The following RAB32 variants were observed in gnomAD, a reference collection of about 807,000 sequenced individuals.
RAB32 encodes RAB32, member RAS oncogene family.
A neutral mutation model predicts 17.5 loss-of-function variants in RAB32; 17 were observed. The ratio of observed to expected loss-of-function variants is 0.97; its 90% CI spans 0.67 to 1.46. RAB32 has a LOEUF of 1.46. Among genes scored for constraint, RAB32 ranks in the 40% most tolerant of loss-of-function variants. The pLI is 0.00. For missense variants in RAB32, 288 were observed against 284.3 expected, an observed-to-expected ratio of 1.01 and a Z score of -0.09; for synonymous variants, 115 against 111.1, an observed-to-expected ratio of 1.04 and a Z score of -0.22.
chr6:146,554,552 A>G lies in RAB32; in HGVS notation c.625A>G (p.Ile209Val). 1 of 1,613,896 alleles carries G rather than the reference A, an allele frequency of 6.2e-7. No individual in the cohort carries two copies. The highest frequency in any genetic ancestry group is 8.5e-7 in the Non-Finnish European group (1 of 1,179,820). ...TAATGAAGAAAACGATGTGGACAAA[A>G]TTAAGCTAGATCAAGAGACCTTGAG... ...FPNEENDVDK[I>V]KLDQETLRAE... Residue 209 changes from isoleucine (I) to valine (V), a missense_variant, in exon 3 of 3, where the codon ATT becomes GTT. Physicochemically the swap from Ile to Val is conservative, Grantham distance 29. Transcript: ENST00000367495.
At chr6:146,553,072 T>C (rs1779916100) in intron 2 of RAB32, among the ~76,000 whole-genome samples, 1 of 152,190 alleles carries the variant, frequency 6.6e-6, no homozygotes, top group Non-Finnish European at 1.5e-5. Context: ...TTTATTTTTA[T>C]TTTTTTATTA....
intron 2 of RAB32, among the ~76,000 whole-genome samples, chr6:146,551,314 G>A (rs1779895811): frequency 6.6e-6 from 1 of 152,144 alleles, no homozygotes; most frequent in South Asian, 2.1e-4. Flanking sequence ...ATCACAGAAA[G>A]AAAGCCTTCT....
rs1779939245 is a variant in RAB32 at position 146,554,804 on chromosome 6, A to G, written c.*199A>G. On this transcript the variant is annotated 3_prime_UTR_variant, in exon 3 of 3. Transcript: ENST00000367495. ...TGGCTCTGTAACTTAACAGATGACA[A>G]TTAGGCTTTTGTCATTGTTGCCATC... is the stretch of plus-strand genomic sequence containing the variant. 1 of 466,728 alleles carries G rather than the reference A, an allele frequency of 2.1e-6. No homozygotes were observed. Among genetic ancestry groups the G allele is most frequent in the Non-Finnish European group, 3.8e-6 (1 of 265,738 alleles). The allele number at this position is 466,728 out of a possible 1,614,324, so 28.9% of individuals were successfully genotyped here. A position where few individuals can be genotyped will look rare whatever the true frequency, so the allele number is the denominator to read the frequency against.
intron 1 of RAB32, among the ~76,000 whole-genome samples, chr6:146,546,941 C>T (rs572841550): frequency 6.6e-6 from 1 of 152,068 alleles, no homozygotes; most frequent in Non-Finnish European, 1.5e-5. Context: ...CTGAACTCTT[C>T]AGGTTAAGAA....
intron 2 of RAB32, among the ~76,000 whole-genome samples, chr6:146,551,680 C>T (rs2114786470): frequency 6.6e-6 from 1 of 152,186 alleles, no homozygotes; most frequent in Non-Finnish European, 1.5e-5. Flanking sequence ...CAAAATTCCC[C>T]TTTAGGCTCT....
chr6:146,549,176 G>A (rs761718657), intron 1 of RAB32, among the ~76,000 whole-genome samples: 19 of 152,108 alleles, frequency 1.2e-4, no homozygotes, highest in Admixed American at 4.6e-4. Context: ...GAGACGAGTC[G>A]GAATAAATGA....
At chr6:146,549,368 G>T (rs1779867246) in intron 1 of RAB32, 96 bp from the exon 2 acceptor site, 11 of 959,452 alleles carry the variant, frequency 1.1e-5, no homozygotes, top group Non-Finnish European at 1.7e-5. Context: ...GAAGACATTT[G>T]TTCATAGTGT....
rs1257995645 is a variant in RAB32, at chr6:146,549,491, G to A, written c.278G>A (p.Arg93Gln). ...CAGGAGCGATTTGGCAACATGACCC[G>A]AGTATACTACAAGGAAGCTGTTGGT... ...AGQERFGNMT[R>Q]VYYKEAVGAF... Residue 93 changes from arginine to glutamine, a missense_variant, in exon 2 of 3, where the codon CGA (arginine) becomes CAA (glutamine). Arg to Gln is a conservative substitution (Grantham distance 43, BLOSUM62 1). Transcript: ENST00000367495. 18 of 1,614,022 alleles carry A rather than the reference G, an allele frequency of 1.1e-5. No individual in the cohort carries two copies. Among genetic ancestry groups the A allele is most frequent in the East Asian group, 2.2e-5 (1 of 44,872 alleles).
intron 1 of RAB32, among the ~76,000 whole-genome samples, chr6:146,545,794 C>T (rs73586068): frequency 0.012 from 1,890 of 152,304 alleles, 31 homozygotes; most frequent in African/African-American, 0.043. Flanking sequence ...TTGACAAAGT[C>T]ATGGATTCTA....
At chr6:146,548,719 A>G (rs1779855376) in intron 1 of RAB32, among the ~76,000 whole-genome samples, 2 of 152,190 alleles carry the variant, frequency 1.3e-5, no homozygotes, top group Non-Finnish European at 2.9e-5. Context: ...GGTCTTTCCT[A>G]TGCCAAAGAT....
chr6:146,549,752 C>T lies in RAB32; in HGVS notation c.528+11C>T. On this transcript the variant is annotated intron_variant, in intron 2 of 2. Transcript: ENST00000367495. ...GAAACCTCTGCAAAGGTGAGATCTG[C>T]TTTGCTTATGCATCTTTTGCTTTCT... The T allele has an allele frequency of 6.2e-7, 1 of 1,609,320 alleles. No homozygotes were observed. Among genetic ancestry groups the T allele is most frequent in the Non-Finnish European group, 8.5e-7 (1 of 1,177,022 alleles).
In RAB32 at chr6:146,554,905, T is replaced by C. The variant is rs1266170696; in HGVS notation, c.*300T>C. On this transcript the variant is annotated 3_prime_UTR_variant, in exon 3 of 3. Coordinates refer to ENST00000367495, the MANE Select transcript of RAB32 (RefSeq NM_006834.5). ...CTCAGGATTTGGTAAGGCTTCCAAG[T>C]TGTAGCTTTTAGTGTAAGTGCTGGG... is the stretch of plus-strand genomic sequence containing the variant. 2 of 220,826 alleles carry C rather than the reference T, an allele frequency of 9.1e-6. No individual in the cohort carries two copies. The highest frequency in any genetic ancestry group is 9.5e-5 in the East Asian group (1 of 10,484). 13.7% of individuals were successfully genotyped at this position (220,826 alleles called of 1,614,324 possible).
intron 1 of RAB32, among the ~76,000 whole-genome samples, chr6:146,547,240 T>C (rs978338470): frequency 3.3e-5 from 5 of 152,160 alleles, no homozygotes; most frequent in African/African-American, 9.7e-5. Context: ...GGTTTACTAT[T>C]ATATGCTTAT....
intron 1 of RAB32, among the ~76,000 whole-genome samples, chr6:146,544,366 A>G (rs1240726250): frequency 2.6e-5 from 4 of 151,838 alleles, no homozygotes; most frequent in African/African-American, 4.8e-5. Context: ...TCCTGAAGGG[A>G]GGCGAGGAGG....
chr6:146,552,170 T>C (rs917280650), intron 2 of RAB32, among the ~76,000 whole-genome samples: 1 of 152,188 alleles, frequency 6.6e-6, no homozygotes, highest in Non-Finnish European at 1.5e-5. Context: ...GAAACTTTAA[T>C]AATATTAACA....
chr6:146,552,372 A>T (rs1466438765), intron 2 of RAB32, among the ~76,000 whole-genome samples: 1 of 152,218 alleles, frequency 6.6e-6, no homozygotes, highest in Admixed American at 6.6e-5. Context: ...GAGGTAAAAA[A>T]TAAATAAAAA....
chr6:146,545,429 G>A (rs1384237629), intron 1 of RAB32, among the ~76,000 whole-genome samples: 2 of 152,214 alleles, frequency 1.3e-5, no homozygotes, highest in Non-Finnish European at 2.9e-5. Context: ...AGCCCATGGA[G>A]GGTATAGCTA....
chr6:146,544,108 G>C lies in RAB32; in HGVS notation c.237G>C (p.Leu79=). 6.2e-7 allele frequency: 1 copy of C among 1,611,554 alleles called. No individual in the cohort carries two copies. The highest frequency in any genetic ancestry group is 8.5e-7 in the Non-Finnish European group (1 of 1,178,786). ...WDSRTLVRLQ[L]WDIAGQERFG... ...GCAGGACTCTGGTGCGCCTGCAGCT[G>C]TGGGACATCGCGGGTAAGCGCGGCC... The change falls in exon 1 of 3, where the codon CTG becomes CTC. Residue 79 remains leucine (L), a synonymous_variant. Coordinates refer to ENST00000367495, the MANE Select transcript of RAB32 (RefSeq NM_006834.5).
chr6:146,549,488 C>T lies in RAB32; in HGVS notation c.275C>T (p.Thr92Ile). Reference sequence around the variant, plus strand: ...GGGCAGGAGCGATTTGGCAACATGACCCGAGTATACTACAAGGAAGCTGTT... The same window carrying T: ...GGGCAGGAGCGATTTGGCAACATGATCCGAGTATACTACAAGGAAGCTGTT... ...IAGQERFGNM[T>I]RVYYKEAVGA... Residue 92 changes from threonine to isoleucine, a missense_variant, in exon 2 of 3, where the codon ACC (threonine) becomes ATC (isoleucine). Thr to Ile is a moderately conservative substitution (Grantham distance 89). Transcript: ENST00000367495. The T allele has an allele frequency of 6.2e-7, 1 of 1,613,990 alleles. No individual in the cohort carries two copies. Among genetic ancestry groups the T allele is most frequent in the South Asian group, 1.1e-5 (1 of 91,072 alleles).
Sources: gnomAD v4.1 joint callset for allele counts (sites outside exome capture counted in the v4.1 genomes callset) on GRCh38, gnomAD v4.1.1 for gene constraint, MANE v1.5 for transcripts, NCBI Gene and HGNC (gene_info 2026-07-23, HGNC 2026-07-21) for gene names.